CHM: variants seen among roughly 807,000 people sequenced by gnomAD.
The protein encoded by CHM is rab proteins geranylgeranyltransferase component A 1.
A neutral mutation model predicts 49.0 loss-of-function variants in CHM; 10 were observed. The ratio of observed to expected loss-of-function variants is 0.20; its 90% CI spans 0.13 to 0.35. The LOEUF is 0.35. Ranked by LOEUF, CHM falls within the 10% of genes least tolerant of loss-of-function variation. CHM has a pLI of 1.00. For missense variants in CHM, 455 were observed against 478.4 expected (o/e 0.95, Z 0.46); for synonymous variants, 184 against 167.5 (o/e 1.10, Z -0.76).
intron 8 of CHM, among the ~76,000 whole-genome samples, chrX:85,934,991 T>C (rs192566575): frequency 3.1e-4 from 35 of 111,912 alleles, no homozygotes; most frequent in Admixed American, 5.7e-4. Context: ...AAAACTGTCT[T>C]AGTCTGTTTG....
At chrX:85,891,271 A>G (rs1045066972) in intron 12 of CHM, among the ~76,000 whole-genome samples, 1 of 112,362 alleles carries the variant, frequency 8.9e-6, no homozygotes, top group African/African-American at 3.2e-5. Flanking sequence ...AGAAATTTGC[A>G]TAAGTAGCAA....
chrX:85,948,087 A>C (rs2147649663), intron 8 of CHM, among the ~76,000 whole-genome samples: 1 of 111,966 alleles, frequency 8.9e-6, no homozygotes, highest in African/African-American at 3.2e-5. Context: ...CATAAAAAAA[A>C]AATGTGAAGT....
chrX:85,969,283 T>C, intron 4 of CHM: 1 of 729,914 alleles, frequency 1.4e-6, no homozygotes, highest in Non-Finnish European at 1.6e-6. Flanking sequence ...ATAAAATCTC[T>C]TCTCACTAAA....
intron 4 of CHM, chrX:85,969,253 ATTG>A: frequency 1.4e-6 from 1 of 725,450 alleles, no homozygotes; most frequent in Non-Finnish European, 1.6e-6. Context: ...GTATAAAGCT[ATTG>A]TTAATATTTT....
intron 8 of CHM, among the ~76,000 whole-genome samples, chrX:85,950,604 A>G (rs780178976): frequency 1.8e-4 from 20 of 109,172 alleles, no homozygotes; most frequent in Non-Finnish European, 3.8e-4. Context: ...AGGGTTCCAA[A>G]AAGGCGAGAA....
intron 11 of CHM, among the ~76,000 whole-genome samples, chrX:85,894,743 A>AT (rs1435392999): frequency 8.9e-6 from 1 of 111,954 alleles, no homozygotes; most frequent in East Asian, 2.8e-4. Flanking sequence ...AGCATTTCAG[A>AT]TAAGGGATAC....
intron 2 of CHM, among the ~76,000 whole-genome samples, chrX:86,008,325 G>A (rs899948078): frequency 9.0e-6 from 1 of 110,639 alleles, no homozygotes; most frequent in African/African-American, 3.3e-5. Context: ...GTTGATGGGG[G>A]CAGCACACCA....
chrX:86,039,688 G>A (rs965101407), intron 1 of CHM, among the ~76,000 whole-genome samples: 5 of 110,301 alleles, frequency 4.5e-5, no homozygotes, highest in Non-Finnish European at 7.6e-5. Context: ...CCATTTTCCC[G>A]TGCGAATGTT....
At chrX:85,964,741 T>C (rs1470761875) in intron 4 of CHM, among the ~76,000 whole-genome samples, 1 of 112,307 alleles carries the variant, frequency 8.9e-6, no homozygotes, top group Admixed American at 9.4e-5. Context: ...AGTACTGATG[T>C]CTATTACTCT....
At chrX:85,951,471 A>T in intron 8 of CHM, among the ~76,000 whole-genome samples, 1 of 112,073 alleles carries the variant, frequency 8.9e-6, no homozygotes. Flanking sequence ...AGCATAAAAA[A>T]AAAAGATTGC....
At chrX:85,896,013 T>C (rs1459063351) in intron 11 of CHM, among the ~76,000 whole-genome samples, 1 of 107,306 alleles carries the variant, frequency 9.3e-6, no homozygotes, top group Non-Finnish European at 1.9e-5. Context: ...TCAAACCTCA[T>C]AGAGATGATA....
At chrX:85,951,377 A>G (rs1929739474) in intron 8 of CHM, among the ~76,000 whole-genome samples, 1 of 111,411 alleles carries the variant, frequency 9.0e-6, no homozygotes, top group Non-Finnish European at 1.9e-5. Flanking sequence ...TTACATGGAT[A>G]ATAAACAGAA....
At chrX:85,886,825 A>G (rs1217010435) in intron 12 of CHM, among the ~76,000 whole-genome samples, 5 of 109,270 alleles carry the variant, frequency 4.6e-5, no homozygotes, top group African/African-American at 1.3e-4. Context: ...AAGGAGGAGA[A>G]AAAAAGAATT....
chrX:85,963,712 G>C lies in CHM; in HGVS notation c.655C>G (p.Gln219Glu). 8.3e-7 allele frequency: 1 copy of C among 1,201,051 alleles called. No individual in the cohort carries two copies. The highest frequency in any genetic ancestry group is 1.1e-6 in the Non-Finnish European group (1 of 886,187). Reference protein sequence around the residue: ...QPKKNRITYSQIIKEGRRFNI... With the variant: ...QPKKNRITYSEIIKEGRRFNI... ...AATCTCCTGCCTTCTTTAATAATTT[G>C]TGAGTAAGTAATTCTGTTTTTCTTT... The change falls in exon 5 of 15, where the codon CAA (glutamine) becomes GAA (glutamate). Residue 219 changes from glutamine to glutamate, a missense_variant. Physicochemically the swap from Gln to Glu is conservative, Grantham distance 29. Coordinates refer to ENST00000357749, the MANE Select transcript of CHM (RefSeq NM_000390.4).
intron 4 of CHM, chrX:85,970,896 A>G: frequency 1.4e-6 from 1 of 719,203 alleles, no homozygotes; most frequent in South Asian, 7.1e-5. Flanking sequence ...TGATGTTTGA[A>G]CCTAGCCTAT....
chrX:85,981,820 T>TAAAAAA lies in CHM; in HGVS notation c.117-17_117-12dup. Reference sequence around the variant, plus strand: ...CCATAGTAGCTTCTTCTGTAACAATTAAAAAAAAAAAAAAAAGTAAAGAAA... The same window carrying TAAAAAA: ...CCATAGTAGCTTCTTCTGTAACAATTAAAAAAAAAAAAAAAAAAAAAAGTAAAGAAA... On this transcript the variant is annotated splice_polypyrimidine_tract_variant and intron_variant, in intron 2 of 14. Transcript: ENST00000357749. The TAAAAAA allele has an allele frequency of 1.1e-6, 1 of 949,866 alleles. No homozygotes were observed. Among genetic ancestry groups the TAAAAAA allele is most frequent in the Non-Finnish European group, 1.4e-6 (1 of 709,342 alleles). The allele number at this position is 949,866 out of a possible 1,213,427, so 78.3% of individuals were successfully genotyped here.
At chrX:85,972,773 C>CTCTG (rs1163079829) in intron 4 of CHM, among the ~76,000 whole-genome samples, 3 of 112,146 alleles carry the variant, frequency 2.7e-5, no homozygotes, top group African/African-American at 9.7e-5. Context: ...AGGGAGCCAG[C>CTCTG]TCTGGCCTTG....
intron 2 of CHM, among the ~76,000 whole-genome samples, chrX:85,999,335 A>G (rs1318245970): frequency 2.7e-5 from 3 of 111,726 alleles, no homozygotes; most frequent in African/African-American, 9.7e-5. Context: ...AATTCACCAA[A>G]CACTTGGTAT....
chrX:85,986,063 C>G (rs1490703924), intron 2 of CHM, among the ~76,000 whole-genome samples: 1 of 111,121 alleles, frequency 9.0e-6, no homozygotes, highest in East Asian at 2.8e-4. Context: ...GTGCCTTACC[C>G]AAACCTCCAA....
Sources: allele counts gnomAD v4.1 joint callset (sites outside exome capture counted in the v4.1 genomes callset), GRCh38; gene constraint gnomAD v4.1.1; transcripts MANE v1.5; gene names NCBI Gene and HGNC (gene_info 2026-07-23, HGNC 2026-07-21).